Variants in KHDRBS2 observed in about 807,000 individuals in gnomAD.
KHDRBS2 encodes KH domain-containing, RNA-binding, signal transduction-associated protein 2.
A neutral mutation model predicts 44.3 loss-of-function variants in KHDRBS2; 26 were observed. The ratio of observed to expected loss-of-function variants is 0.59; its 90% CI spans 0.43 to 0.81. The LOEUF (loss-of-function observed/expected upper bound fraction) is 0.81, where lower values mean the gene tolerates loss of function less well. Ranked by LOEUF, KHDRBS2 falls within the 40% of genes least tolerant of loss-of-function variation. The probability of loss-of-function intolerance (pLI) is 0.00; values close to 1 mark genes in which losing one functional copy is unlikely to be tolerated. For missense variants in KHDRBS2, 476 were observed against 433.1 expected, an observed-to-expected ratio of 1.10 and a Z score of -0.88; for synonymous variants, 194 against 151.1, an observed-to-expected ratio of 1.28 and a Z score of -2.08.
At chr6:62,065,460 A>G (rs1415493860) in intron 2 of KHDRBS2, among the ~76,000 whole-genome samples, 3 of 148,678 alleles carry the variant, frequency 2.0e-5, no homozygotes, top group Non-Finnish European at 3.0e-5. Flanking sequence ...CCCATAAAAA[A>G]TGATGAGTTC....
In KHDRBS2 at chr6:61,732,781, G is replaced by A; in HGVS notation, c.811-17C>T. On this transcript the variant is annotated splice_polypyrimidine_tract_variant and intron_variant, in intron 6 of 8. Transcript: ENST00000281156. ...ATCATAACCCTGAGACAAAAAAATG[G>A]TAGAAACACCTGTTAGTCAATTTGA... 3 of 1,341,428 alleles carry A rather than the reference G, an allele frequency of 2.2e-6. No homozygotes were observed. Among genetic ancestry groups the A allele is most frequent in the South Asian group, 1.2e-5 (1 of 85,378 alleles). 83.1% of individuals were successfully genotyped at this position (1,341,428 alleles called of 1,614,324 possible).
chr6:61,596,333 T>A, the KHDRBS2 span, among the ~76,000 whole-genome samples: 18 of 152,314 alleles, frequency 1.2e-4, no homozygotes, highest in Admixed American at 2.6e-4. Context: ...ACGCAAAAAA[T>A]TTTAAATTAT....
intron 7 of KHDRBS2, among the ~76,000 whole-genome samples, chr6:61,732,312 T>G (rs1354809108): frequency 1.3e-5 from 2 of 152,222 alleles, no homozygotes; most frequent in East Asian, 3.9e-4. Context: ...GACATTTTAT[T>G]ATCTTTTACA....
chr6:61,837,331 T>C (rs1481053208), intron 6 of KHDRBS2, among the ~76,000 whole-genome samples: 3 of 152,012 alleles, frequency 2.0e-5, no homozygotes, highest in Non-Finnish European at 4.4e-5. Flanking sequence ...CTTTTCTCCA[T>C]CTGTTATCAC....
the KHDRBS2 span, among the ~76,000 whole-genome samples, chr6:61,645,634 A>G: frequency 5.9e-5 from 9 of 152,124 alleles, no homozygotes; most frequent in African/African-American, 2.2e-4. Flanking sequence ...TGTTATCCCC[A>G]AAAGATGTAA....
chr6:62,066,182 T>A (rs1454674738), intron 2 of KHDRBS2, among the ~76,000 whole-genome samples: 2 of 151,740 alleles, frequency 1.3e-5, no homozygotes, highest in South Asian at 2.1e-4. Flanking sequence ...CTAATCTTAA[T>A]TATAACTACA....
chr6:61,759,077 T>C (rs1778909747), intron 6 of KHDRBS2, among the ~76,000 whole-genome samples: 2 of 152,174 alleles, frequency 1.3e-5, no homozygotes, highest in South Asian at 4.1e-4. Context: ...TGATTTTACA[T>C]ATAAAATGTT....
chr6:61,590,320 C>T, the KHDRBS2 span, among the ~76,000 whole-genome samples: 237 of 152,292 alleles, frequency 1.6e-3, 3 homozygotes, highest in Admixed American at 0.014. Context: ...CTACCAGACA[C>T]ATGGAGATGT....
intron 2 of KHDRBS2, among the ~76,000 whole-genome samples, chr6:62,059,877 T>TA (rs1015501217): frequency 7.2e-5 from 11 of 151,752 alleles, no homozygotes; most frequent in Admixed American, 2.0e-4. Context: ...ATACAAAATT[T>TA]AAAAAAACAA....
intron 2 of KHDRBS2, among the ~76,000 whole-genome samples, chr6:62,075,171 C>T (rs1439027259): frequency 6.6e-6 from 1 of 151,824 alleles, no homozygotes; most frequent in Non-Finnish European, 1.5e-5. Context: ...AACCTAACCT[C>T]CAAGGTGATG....
chr6:61,842,211 T>C (rs1793703407), intron 6 of KHDRBS2, among the ~76,000 whole-genome samples: 1 of 152,122 alleles, frequency 6.6e-6, no homozygotes, highest in Admixed American at 6.5e-5. Context: ...CAGAACAAGG[T>C]CAGAACATCA....
intron 2 of KHDRBS2, among the ~76,000 whole-genome samples, chr6:62,170,735 A>G (rs1268917353): frequency 6.6e-6 from 1 of 152,052 alleles, no homozygotes; most frequent in South Asian, 2.1e-4. Flanking sequence ...ACAAACCAGG[A>G]TCACGTTATC....
chr6:62,047,917 C>G lies in KHDRBS2; in HGVS notation c.297G>C (p.Met99Ile). 1 of 1,611,742 alleles carries G rather than the reference C, an allele frequency of 6.2e-7. No homozygotes were observed. The highest frequency in any genetic ancestry group is 1.7e-4 in the Middle Eastern group (1 of 6,056). Residue 99 changes from methionine to isoleucine, a missense_variant, in exon 3 of 9, where the codon ATG (methionine) becomes ATC (isoleucine). Met to Ile is a conservative substitution (Grantham distance 10, BLOSUM62 1). Coordinates refer to ENST00000281156, the MANE Select transcript of KHDRBS2 (RefSeq NM_152688.4). ...TCATTGATCCTTTGCCCAGGATAGACATTTTAGCACCTGTTTCTTCCTGTA... is the reference window on the plus strand; with the variant it reads ...TCATTGATCCTTTGCCCAGGATAGAGATTTTAGCACCTGTTTCTTCCTGTA... ...KRLQEETGAK[M>I]SILGKGSMRD...
the KHDRBS2 span, among the ~76,000 whole-genome samples, chr6:61,664,198 A>G: frequency 4.0e-5 from 6 of 151,818 alleles, no homozygotes; most frequent in African/African-American, 1.4e-4. Context: ...TAGATGTTTT[A>G]ATTCAACACC....
the KHDRBS2 span, among the ~76,000 whole-genome samples, chr6:61,661,805 GA>G: frequency 1.3e-5 from 2 of 151,962 alleles, no homozygotes; most frequent in African/African-American, 4.8e-5. Flanking sequence ...TCAATATCGT[GA>G]AAATGGCCAT....
At chr6:61,894,866 C>A (rs1440318029) in intron 5 of KHDRBS2, 33 bp from the exon 6 acceptor site, 3 of 1,514,820 alleles carry the variant, frequency 2.0e-6, no homozygotes, top group Admixed American at 1.8e-5. Flanking sequence ...AGATGAGAAA[C>A]AGGTGATGAG....
At chr6:62,126,030 A>C (rs1808880203) in intron 2 of KHDRBS2, among the ~76,000 whole-genome samples, 1 of 151,846 alleles carries the variant, frequency 6.6e-6, no homozygotes, top group Non-Finnish European at 1.5e-5. Flanking sequence ...GTAGAGCATT[A>C]AGCAGTCTCT....
At chr6:61,717,973 C>G (rs1037701889) in intron 7 of KHDRBS2, among the ~76,000 whole-genome samples, 1 of 151,832 alleles carries the variant, frequency 6.6e-6, no homozygotes, top group African/African-American at 2.4e-5. Flanking sequence ...GATATGGGTT[C>G]AAATCCAACA....
At chr6:61,933,665 C>A (rs772191482) in intron 4 of KHDRBS2, among the ~76,000 whole-genome samples, 2 of 152,016 alleles carry the variant, frequency 1.3e-5, no homozygotes. Flanking sequence ...GTATTGAAAA[C>A]GGTAGGCAAC....
Sources: gnomAD v4.1 joint callset for allele counts (sites outside exome capture counted in the v4.1 genomes callset) on GRCh38, gnomAD v4.1.1 for gene constraint, MANE v1.5 for transcripts, NCBI Gene and HGNC (gene_info 2026-07-23, HGNC 2026-07-21) for gene names.